MYO6: variants seen among roughly 807,000 people sequenced by gnomAD.
MYO6 encodes unconventional myosin-VI.
A neutral mutation model predicts 178.7 loss-of-function variants in MYO6; 74 were observed. The observed-to-expected ratio is 0.41, with a 90% CI of 0.34 to 0.50. The LOEUF (loss-of-function observed/expected upper bound fraction) is 0.50. MYO6 is among the 20% of genes least tolerant of loss of function. The probability of loss-of-function intolerance (pLI) is 0.09; values close to 1 mark genes in which losing one functional copy is unlikely to be tolerated. For synonymous variants in MYO6, 477 were observed against 504.6 expected, an observed-to-expected ratio of 0.95 and a Z score of 0.73; for missense variants, 1,330 against 1,547.4, an observed-to-expected ratio of 0.86 and a Z score of 2.36.
At chr6:75,841,891 G>A (rs1774268093) in intron 9 of MYO6, among the ~76,000 whole-genome samples, 1 of 152,046 alleles carries the variant, frequency 6.6e-6, no homozygotes, top group Non-Finnish European at 1.5e-5. Context: ...CACTGTATGA[G>A]GAGGCACATA....
intron 32 of MYO6, 40 bp downstream of exon 32, chr6:75,908,667 TG>T (rs772058079): frequency 6.3e-7 from 1 of 1,591,204 alleles, no homozygotes; most frequent in Non-Finnish European, 8.6e-7. Context: ...TTAAAATATA[TG>T]TATATAAATG....
chr6:75,825,205 T>A (rs1488083729), intron 3 of MYO6, among the ~76,000 whole-genome samples: 1 of 152,248 alleles, frequency 6.6e-6, no homozygotes, highest in Non-Finnish European at 1.5e-5. Flanking sequence ...CATTTTTCCA[T>A]GCTGATTTTG....
chr6:75,785,054 C>A (rs148296681), intron 1 of MYO6, among the ~76,000 whole-genome samples: 1 of 152,172 alleles, frequency 6.6e-6, no homozygotes, highest in African/African-American at 2.4e-5. Flanking sequence ...TGTAAATTAT[C>A]ATTTTTTCAT....
At chr6:75,883,960 T>C (rs866020794) in intron 23 of MYO6, among the ~76,000 whole-genome samples, 1 of 152,184 alleles carries the variant, frequency 6.6e-6, no homozygotes, top group South Asian at 2.1e-4. Context: ...AAGAGAACTA[T>C]TAATATAAAA....
chr6:75,767,694 T>C (rs1039022175), intron 1 of MYO6, among the ~76,000 whole-genome samples: 1 of 151,994 alleles, frequency 6.6e-6, no homozygotes, highest in Non-Finnish European at 1.5e-5. Context: ...AATTTTTGTA[T>C]TTTTGTAGTC....
intron 1 of MYO6, among the ~76,000 whole-genome samples, chr6:75,756,671 C>G (rs1482565666): frequency 5.9e-5 from 9 of 152,106 alleles, no homozygotes; most frequent in Admixed American, 5.9e-4. Flanking sequence ...ACTACCATGT[C>G]AGATATTATG....
At chr6:75,862,175 C>T (rs990819162) in intron 15 of MYO6, among the ~76,000 whole-genome samples, 2 of 152,172 alleles carry the variant, frequency 1.3e-5, no homozygotes, top group African/African-American at 4.8e-5. Flanking sequence ...TGTGTTGTTA[C>T]AGATTTTGTT....
chr6:75,822,026 A>C (rs1048679870), intron 2 of MYO6, among the ~76,000 whole-genome samples: 4 of 151,550 alleles, frequency 2.6e-5, no homozygotes, highest in African/African-American at 9.7e-5. Flanking sequence ...AACAATAGCT[A>C]TTAATATAAC....
At chr6:75,754,922 T>G (rs549373775) in intron 1 of MYO6, among the ~76,000 whole-genome samples, 45 of 152,236 alleles carry the variant, frequency 3.0e-4, no homozygotes, top group African/African-American at 1.1e-3. Flanking sequence ...GGTAAGGAAA[T>G]GGAGACTCAA....
intron 33 of MYO6, among the ~76,000 whole-genome samples, chr6:75,912,674 A>C (rs1780850760): frequency 6.6e-6 from 1 of 152,108 alleles, no homozygotes; most frequent in Non-Finnish European, 1.5e-5. Context: ...TCACTACTTT[A>C]GATGGAGGGA....
At position 75,908,500 on chromosome 6, in the gene MYO6, T is replaced by C. The variant is rs760600060; in HGVS notation, c.3285T>C (p.Ile1095=). 1 of 1,613,324 alleles carries C rather than the reference T, an allele frequency of 6.2e-7. No individual in the cohort carries two copies. The highest frequency in any genetic ancestry group is 1.3e-5 in the African/African-American group (1 of 74,888). ...TTTGCTCAATGTAATCAATAGATAT[T>C]GAGCTCCTGGCAGCTTGCAGAGAAG... is the stretch of plus-strand genomic sequence containing the variant. ...LRDTINTSCD[I]ELLAACREEF... Residue 1095 remains isoleucine (I), a synonymous_variant, in exon 32 of 35, where the codon ATT becomes ATC. Coordinates refer to ENST00000369977, the MANE Select transcript of MYO6 (RefSeq NM_004999.4).
At chr6:75,799,441 C>T (rs373836308) in intron 1 of MYO6, among the ~76,000 whole-genome samples, 1 of 151,368 alleles carries the variant, frequency 6.6e-6, no homozygotes, top group Non-Finnish European at 1.5e-5. Context: ...ATGTGACACA[C>T]CTAGGTTAAG....
At chr6:75,789,306 G>C (rs9443190) in intron 1 of MYO6, among the ~76,000 whole-genome samples, 2 of 152,166 alleles carry the variant, frequency 1.3e-5, no homozygotes, top group Admixed American at 6.5e-5. Flanking sequence ...AATTTTAAAC[G>C]TGTTAATGTG....
chr6:75,758,345 A>C (rs1777646080), intron 1 of MYO6, among the ~76,000 whole-genome samples: 1 of 152,124 alleles, frequency 6.6e-6, no homozygotes, highest in Non-Finnish European at 1.5e-5. Flanking sequence ...ATGTTACCAG[A>C]ATCTCTTCAT....
chr6:75,753,398 T>C (rs866097514), intron 1 of MYO6, among the ~76,000 whole-genome samples: 1 of 151,426 alleles, frequency 6.6e-6, no homozygotes, highest in South Asian at 2.1e-4. Context: ...TAAGTTCTCT[T>C]TTGGAGGCAT....
chr6:75,868,034 CTTTAAATA>C (rs1420205552), intron 18 of MYO6, among the ~76,000 whole-genome samples: 4 of 151,898 alleles, frequency 2.6e-5, no homozygotes, highest in African/African-American at 9.7e-5. Context: ...ACTATATGTA[CTTTAAATA>C]TTTAAAATAA....
At position 75,877,671 on chromosome 6, in the gene MYO6, G is replaced by A. The variant is rs78352060; in HGVS notation, c.2078-2149G>A. 3.4e-3 allele frequency among the ~76,000 whole-genome samples: 518 copies of A among 152,072 alleles called. 2 individuals are homozygous for A. The highest frequency in any genetic ancestry group is 0.012 in the African/African-American group (477 of 41,466). ...ACCTTGGGGCTGTGCTGCCTGTCTT[G>A]TAGCAAAGAGGGGTGCCAGCTCTGC... On this transcript the variant is annotated intron_variant, in intron 20 of 34. Transcript: ENST00000369977.
At chr6:75,805,021 A>ATATATATATATATTTTTT (rs1252912172) in intron 1 of MYO6, among the ~76,000 whole-genome samples, 7 of 77,312 alleles carry the variant, frequency 9.1e-5, no homozygotes, top group African/African-American at 7.1e-4. Flanking sequence ...ATATATATAT[A>ATATATATATATATTTTTT]TTTTTTTTTT....
chr6:75,887,021 T>A (rs1562286515), intron 25 of MYO6, 27 bp downstream of exon 25: 2 of 1,588,568 alleles, frequency 1.3e-6, no homozygotes, highest in Non-Finnish European at 1.7e-6. Context: ...CGAATGACTT[T>A]GACTTTTTAT....
Sources: gnomAD v4.1 joint callset for allele counts (sites outside exome capture counted in the v4.1 genomes callset) on GRCh38, gnomAD v4.1.1 for gene constraint, MANE v1.5 for transcripts, NCBI Gene and HGNC (gene_info 2026-07-23, HGNC 2026-07-21) for gene names.